Variants in CX3CL1 observed in about 807,000 individuals in gnomAD.
CX3CL1 encodes fractalkine.
A neutral mutation model predicts 14.1 loss-of-function variants in CX3CL1; 1 was observed. That is an observed-to-expected ratio of 0.07 (90% CI 0.03 to 0.34). The LOEUF is 0.34. Ranked by LOEUF, CX3CL1 falls within the 10% of genes least tolerant of loss-of-function variation. CX3CL1 has a pLI of 0.99. For missense variants in CX3CL1, 505 were observed against 536.4 expected (o/e 0.94, Z 0.58); for synonymous variants, 255 against 229.6 (o/e 1.11, Z -1.00).
Position 57,382,221 on chromosome 16 carries a change from A to G in CX3CL1, c.383A>G (p.Glu128Gly). ...GGAATGGACGAGTCTGTGGTCCTGGAGCCCGAAGCCACAGGCGAAAGCAGT... is the reference window on the plus strand; with the variant it reads ...GGAATGGACGAGTCTGTGGTCCTGGGGCCCGAAGCCACAGGCGAAAGCAGT... ...AGGMDESVVLEPEATGESSSL... is the reference protein window; with the variant it reads ...AGGMDESVVLGPEATGESSSL... The change falls in exon 3 of 3, where the codon GAG (glutamate) becomes GGG (glycine). Residue 128 changes from glutamate (E) to glycine (G), a missense_variant. Glu to Gly is a moderately conservative substitution (Grantham distance 98). Coordinates refer to ENST00000006053, the MANE Select transcript of CX3CL1 (RefSeq NM_002996.6). This position sits in a 1 kb window ranked among gnomAD's most constrained non-coding sequence, Gnocchi z 6.9. The G allele has an allele frequency of 6.2e-7, 1 of 1,612,560 alleles. No homozygotes were observed. The highest frequency in any genetic ancestry group is 8.5e-7 in the Non-Finnish European group (1 of 1,179,316).
At chr16:57,374,388 A>G (rs1307925418) in intron 1 of CX3CL1, among the ~76,000 whole-genome samples, 1 of 152,064 alleles carries the variant, frequency 6.6e-6, no homozygotes, top group African/African-American at 2.4e-5. Context: ...GAGTCAGTGC[A>G]GAGCATTGCC....
In CX3CL1 at chr16:57,382,237, C is replaced by T. The variant is rs373115385; in HGVS notation, c.399C>T (p.Gly133=). The T allele has an allele frequency of 9.6e-5, 154 of 1,612,080 alleles. 1 individual carries two copies. The highest frequency in any genetic ancestry group is 7.9e-4 in the South Asian group (72 of 90,996). ...TGGTCCTGGAGCCCGAAGCCACAGG[C>T]GAAAGCAGTAGCCTGGAGCCGACTC... ...ESVVLEPEAT[G]ESSSLEPTPS... The change falls in exon 3 of 3, where the codon GGC becomes GGT. Residue 133 remains glycine, a synonymous_variant. Coordinates refer to ENST00000006053, the MANE Select transcript of CX3CL1 (RefSeq NM_002996.6). This position sits in a 1 kb window ranked among gnomAD's most constrained non-coding sequence, Gnocchi z 6.9.
intron 1 of CX3CL1, chr16:57,379,334 A>G: frequency 2.4e-6 from 1 of 424,346 alleles, no homozygotes; most frequent in Non-Finnish European, 4.1e-6. Context: ...CTCAAAAAAA[A>G]AAAAATTAAA....
Position 57,384,911 on chromosome 16 carries a change from A to G in CX3CL1, c.*1879A>G, listed in dbSNP as rs1339254252. On this transcript the variant is annotated 3_prime_UTR_variant, in exon 3 of 3. Transcript: ENST00000006053. ...TCCATGGACTTTGTTAGTTTCTCCA[A>G]GCAGGACATGGACAAGGATGATCTA... 6.6e-6 allele frequency: 1 copy of G among 152,258 alleles called. No homozygotes were observed. The highest frequency in any genetic ancestry group is 2.4e-5 in the African/African-American group (1 of 41,470). The allele number at this position is 152,258 out of a possible 1,614,324, so 9.4% of individuals were successfully genotyped here. A position where few individuals can be genotyped will look rare whatever the true frequency, so the allele number is the denominator to read the frequency against.
At chr16:57,373,404 G>C (rs1248630413) in intron 1 of CX3CL1, among the ~76,000 whole-genome samples, 2 of 152,204 alleles carry the variant, frequency 1.3e-5, no homozygotes, top group Non-Finnish European at 2.9e-5. Flanking sequence ...GGCAGGAGAA[G>C]GTAAGACACA....
chr16:57,382,115 G>A lies in CX3CL1; in HGVS notation c.277G>A (p.Ala93Thr), dbSNP rs1902328783. The A allele has an allele frequency of 2.5e-6, 4 of 1,614,034 alleles. No homozygotes were observed. The East Asian group carries it at 8.9e-5, about 36-fold the overall frequency. The part of the protein sequence containing the change: ...KDAMQHLDRQ[A>T]AALTRNGGTF... ...CGCGATGCAGCATCTGGACCGCCAG[G>A]CTGCTGCCCTAACTCGAAATGGCGG... is the stretch of plus-strand genomic sequence containing the variant. Residue 93 changes from alanine (A) to threonine (T), a missense_variant, in exon 3 of 3, where the codon GCT becomes ACT. Coordinates refer to ENST00000006053, the MANE Select transcript of CX3CL1 (RefSeq NM_002996.6). The surrounding 1 kb of genome is among the most constrained non-coding windows in gnomAD (Gnocchi z 6.9).
chr16:57,376,283 A>G (rs1403674350), intron 1 of CX3CL1, among the ~76,000 whole-genome samples: 1 of 152,222 alleles, frequency 6.6e-6, no homozygotes, highest in Non-Finnish European at 1.5e-5. Flanking sequence ...GACTGAATAA[A>G]CAGAGTGATC....
intron 2 of CX3CL1, among the ~76,000 whole-genome samples, chr16:57,380,741 C>A (rs1043921611): frequency 1.2e-4 from 18 of 152,116 alleles, no homozygotes; most frequent in Admixed American, 5.2e-4. Flanking sequence ...ACTTGCTCCT[C>A]CTGGGGGCTC....
At position 57,383,102 on chromosome 16, in the gene CX3CL1, C is replaced by A; in HGVS notation, c.*70C>A. 1 of 1,313,466 alleles carries A rather than the reference C, an allele frequency of 7.6e-7. No homozygotes were observed. 81.4% of individuals were successfully genotyped at this position (1,313,466 alleles called of 1,614,324 possible). ...GGGATCCCTCATCCTCATACCCACC[C>A]CCACCCAAGGGCCTGGCCTGAGCTG... is the stretch of plus-strand genomic sequence containing the variant. On this transcript the variant is annotated 3_prime_UTR_variant, in exon 3 of 3. Coordinates refer to ENST00000006053, the MANE Select transcript of CX3CL1 (RefSeq NM_002996.6).
chr16:57,374,894 A>C (rs1902225570), intron 1 of CX3CL1, among the ~76,000 whole-genome samples: 1 of 152,226 alleles, frequency 6.6e-6, no homozygotes, highest in Non-Finnish European at 1.5e-5. Flanking sequence ...TAATCCCAGC[A>C]CATTGGGAGG....
In CX3CL1 at chr16:57,382,321, G is replaced by T; in HGVS notation, c.483G>T (p.Val161=). 6.2e-7 allele frequency: 1 copy of T among 1,605,368 alleles called. No homozygotes were observed. The highest frequency in any genetic ancestry group is 1.1e-5 in the South Asian group (1 of 90,504). The stretch of plus-strand genomic sequence containing the variant: ...CCTCCCCAGAGCTGCCGACGGGCGT[G>T]ACTGGTTCCTCAGGGACCAGGCTCC... ...LGTSPELPTG[V]TGSSGTRLPP... is the part of the protein sequence containing the mutation. Residue 161 remains valine (V), a synonymous_variant, in exon 3 of 3, where the codon GTG becomes GTT. Coordinates refer to ENST00000006053, the MANE Select transcript of CX3CL1 (RefSeq NM_002996.6). The surrounding 1 kb of genome is among the most constrained non-coding windows in gnomAD (Gnocchi z 6.9).
intron 1 of CX3CL1, among the ~76,000 whole-genome samples, chr16:57,375,963 G>A (rs1349254756): frequency 6.6e-6 from 1 of 152,196 alleles, no homozygotes; most frequent in East Asian, 1.9e-4. Context: ...CCACCATGCA[G>A]CTGTGTGGCA....
chr16:57,374,387 C>T (rs1369297440), intron 1 of CX3CL1, among the ~76,000 whole-genome samples: 1 of 152,010 alleles, frequency 6.6e-6, no homozygotes, highest in East Asian at 1.9e-4. Flanking sequence ...CGAGTCAGTG[C>T]AGAGCATTGC....
chr16:57,382,449 A>T lies in CX3CL1; in HGVS notation c.611A>T (p.Gln204Leu). Residue 204 changes from glutamine to leucine, a missense_variant, in exon 3 of 3, where the codon CAA (glutamine) becomes CTA (leucine). Transcript: ENST00000006053. This position sits in a 1 kb window ranked among gnomAD's most constrained non-coding sequence, Gnocchi z 6.9. ...ACGTGGCAGAGTTCTGCTCCCCACCAACCTGGGCCCAGCCTCTGGGCTGAG... is the reference window on the plus strand; with the variant it reads ...ACGTGGCAGAGTTCTGCTCCCCACCTACCTGGGCCCAGCCTCTGGGCTGAG... ...AATWQSSAPH[Q>L]PGPSLWAEAK... 3.7e-6 allele frequency: 6 copies of T among 1,612,750 alleles called. No individual in the cohort carries two copies. Among genetic ancestry groups the T allele is most frequent in the Non-Finnish European group, 5.1e-6 (6 of 1,179,882 alleles).
intron 2 of CX3CL1, among the ~76,000 whole-genome samples, chr16:57,380,761 C>T (rs1436002316): frequency 2.0e-5 from 3 of 152,066 alleles, no homozygotes; most frequent in African/African-American, 7.2e-5. Context: ...CTCTTGGGTC[C>T]TGTCTAACCA....
rs780735009 is a variant in CX3CL1, at chr16:57,372,532, G to A, written c.-37G>A. ...CTCTGCCGCCTGGCTCTAGCCGCCT[G>A]CCTGGCCCCCGCCGGGACTCTTGCC... On this transcript the variant is annotated 5_prime_UTR_variant, in exon 1 of 3. Coordinates refer to ENST00000006053, the MANE Select transcript of CX3CL1 (RefSeq NM_002996.6). The A allele has an allele frequency of 3.1e-6, 5 of 1,602,320 alleles. No individual in the cohort carries two copies. The highest frequency in any genetic ancestry group is 1.1e-5 in the South Asian group (1 of 90,884).
At chr16:57,376,037 T>C (rs1567552918) in intron 1 of CX3CL1, among the ~76,000 whole-genome samples, 1 of 152,188 alleles carries the variant, frequency 6.6e-6, no homozygotes, top group Non-Finnish European at 1.5e-5. Context: ...TAATACTCCC[T>C]TTGCAGGAAT....
chr16:57,374,313 T>C (rs533679419), intron 1 of CX3CL1, among the ~76,000 whole-genome samples: 1 of 152,040 alleles, frequency 6.6e-6, no homozygotes, highest in South Asian at 2.1e-4. Context: ...AGTCCCCAAA[T>C]GTGGGTTTGT....
chr16:57,382,004 C>T lies in CX3CL1; in HGVS notation c.192-26C>T, dbSNP rs769960935. ...CGGGTTTCTGGTATCTGGGCATAAC[C>T]GAATCCCTGTCTTCCTCCCTTGTAG... is the stretch of plus-strand genomic sequence containing the variant. On this transcript the variant is annotated intron_variant, in intron 2 of 2. Coordinates refer to ENST00000006053, the MANE Select transcript of CX3CL1 (RefSeq NM_002996.6). This position sits in a 1 kb window ranked among gnomAD's most constrained non-coding sequence, Gnocchi z 6.9. 14 of 1,551,108 alleles carry T rather than the reference C, an allele frequency of 9.0e-6. No homozygotes were observed. Among genetic ancestry groups the T allele is most frequent in the Admixed American group, 1.8e-5 (1 of 54,736 alleles).
Sources: allele counts gnomAD v4.1 joint callset (sites outside exome capture counted in the v4.1 genomes callset), GRCh38; gene constraint gnomAD v4.1.1; non-coding constraint Gnocchi (gnomAD v3.1); transcripts MANE v1.5; gene names NCBI Gene and HGNC (gene_info 2026-07-23, HGNC 2026-07-21).